REXO2: variants seen among roughly 807,000 people sequenced by gnomAD.
REXO2 encodes the protein oligoribonuclease, mitochondrial.
In REXO2, 17 loss-of-function variants were observed where a neutral mutation model predicts 30.9. The ratio of observed to expected loss-of-function variants is 0.55; its 90% CI spans 0.38 to 0.82. REXO2 has a LOEUF of 0.82. Among genes scored for constraint, REXO2 ranks in the 40% least tolerant of loss-of-function variants. The pLI, the probability that REXO2 is intolerant of heterozygous loss-of-function variation, is 0.00. For missense variants in REXO2, 253 were observed against 293.2 expected (o/e 0.86, Z 1.00); for synonymous variants, 105 against 99.6 (o/e 1.05, Z -0.32).
intron 2 of REXO2, chr11:114,441,912 T>G: frequency 3.4e-6 from 2 of 595,592 alleles, no homozygotes; most frequent in Non-Finnish European, 6.0e-6. Flanking sequence ...ATTTGGTTGT[T>G]TTTTTCTGTT....
chr11:114,443,242 G>T (rs1042630155), intron 2 of REXO2, among the ~76,000 whole-genome samples: 1 of 151,612 alleles, frequency 6.6e-6, no homozygotes, highest in Non-Finnish European at 1.5e-5. Context: ...GAGAAGCTAG[G>T]ACTGTAGGGG....
chr11:114,439,723 C>T (rs1002489310), intron 1 of REXO2, 48 bp downstream of exon 1: 16 of 1,439,414 alleles, frequency 1.1e-5, no homozygotes, highest in Admixed American at 5.7e-5. Context: ...AGGTTTCGCT[C>T]GTGGAACCGA....
At chr11:114,446,728 A>G (rs1946511779) in intron 5 of REXO2, among the ~76,000 whole-genome samples, 1 of 152,200 alleles carries the variant, frequency 6.6e-6, no homozygotes, top group African/African-American at 2.4e-5. Flanking sequence ...CAAAGCATTC[A>G]TTAATGCTGG....
intron 1 of REXO2, among the ~76,000 whole-genome samples, chr11:114,439,947 C>A (rs975229163): frequency 2.6e-5 from 4 of 152,266 alleles, no homozygotes; most frequent in African/African-American, 9.6e-5. Context: ...GTGGACTTTT[C>A]CTAACGCTCT....
In REXO2 at chr11:114,444,664, T is replaced by A; in HGVS notation, c.421+12T>A. The A allele has an allele frequency of 6.6e-7, 1 of 1,526,202 alleles. No individual in the cohort carries two copies. 94.5% of individuals were successfully genotyped at this position (1,526,202 alleles called of 1,614,324 possible). ...CTGTCCACTTGCAGGTAAAATCCAA[T>A]CCTGTGTATATCTTATAGTCTTCCA... On this transcript the variant is annotated intron_variant, in intron 4 of 6. Transcript: ENST00000265881.
rs1459202284 is a variant in REXO2 at position 114,439,534 on chromosome 11, A to G, written c.6A>G (p.Leu2=). The G allele has an allele frequency of 6.2e-7, 1 of 1,606,856 alleles. No homozygotes were observed. The highest frequency in any genetic ancestry group is 1.3e-5 in the African/African-American group (1 of 74,922). Residue 2 remains leucine, a synonymous_variant, in exon 1 of 7, where the codon CTA becomes CTG. Coordinates refer to ENST00000265881, the MANE Select transcript of REXO2 (RefSeq NM_015523.4). The stretch of plus-strand genomic sequence containing the variant: ...GTGGCTGCTGGTCCCGGGTGATGCT[A>G]GGCGGCTCCCTGGGCTCCAGGCTGT... The part of the protein sequence containing the change: M[L]GGSLGSRLLR...
At chr11:114,448,953 G>A (rs1438361727) in intron 6 of REXO2, 1 of 152,224 alleles carries the variant, frequency 6.6e-6, no homozygotes, top group Non-Finnish European at 1.5e-5. Flanking sequence ...TCCAAGTCCT[G>A]GAAAGAAAGC....
chr11:114,442,675 C>CA (rs1409566114), intron 2 of REXO2, among the ~76,000 whole-genome samples: 2 of 152,074 alleles, frequency 1.3e-5, no homozygotes, highest in Non-Finnish European at 2.9e-5. Context: ...TTCTTTTATC[C>CA]TGTTAACATT....
chr11:114,441,680 T>C (rs1181021952), intron 2 of REXO2: 14 of 700,672 alleles, frequency 2.0e-5, no homozygotes, highest in Non-Finnish European at 1.0e-5. Context: ...AGCATTGATA[T>C]GTTACTGGCA....
intron 2 of REXO2, chr11:114,441,641 A>G (rs1391236564): frequency 1.5e-6 from 1 of 673,044 alleles, no homozygotes; most frequent in Non-Finnish European, 2.7e-6. Context: ...TGGAAAAGAG[A>G]GTCTTGTTAA....
At chr11:114,447,780 T>C (rs1946518465) in intron 5 of REXO2, 46 bp from the exon 6 acceptor site, 1 of 1,506,412 alleles carries the variant, frequency 6.6e-7, no homozygotes, top group African/African-American at 1.4e-5. Flanking sequence ...TTGTTCAGTA[T>C]ATTTGAGACA....
chr11:114,444,596 A>G lies in REXO2; in HGVS notation c.365A>G (p.Tyr122Cys), dbSNP rs759902130. The change falls in exon 4 of 7, where the codon TAT (tyrosine) becomes TGT (cysteine). Residue 122 changes from tyrosine to cysteine, a missense_variant. Tyr to Cys is a radical substitution (Grantham distance 194, BLOSUM62 -2). Transcript: ENST00000265881. ...ACAATTACATTGCAGCAGGCAGAGTATGAATTTCTGTCCTTTGTACGACAG... is the reference window on the plus strand; with the variant it reads ...ACAATTACATTGCAGCAGGCAGAGTGTGAATTTCTGTCCTTTGTACGACAG... ...ESTITLQQAE[Y>C]EFLSFVRQQT... 1.2e-6 allele frequency: 2 copies of G among 1,612,170 alleles called. No individual in the cohort carries two copies. Among genetic ancestry groups the G allele is most frequent in the Non-Finnish European group, 1.7e-6 (2 of 1,179,404 alleles).
chr11:114,450,028 T>G lies in REXO2; in HGVS notation c.*53T>G, dbSNP rs1348271885. On this transcript the variant is annotated 3_prime_UTR_variant, in exon 7 of 7. Transcript: ENST00000265881. The stretch of plus-strand genomic sequence containing the variant: ...GTTATCTGGAGGCAACTTCTGGTGG[T>G]TTTTTTTTCTCACGCTGATGGCTTG... 33 of 1,513,534 alleles carry G rather than the reference T, an allele frequency of 2.2e-5. No individual in the cohort carries two copies. The highest frequency in any genetic ancestry group is 2.5e-5 in the Non-Finnish European group (28 of 1,130,520). The allele number at this position is 1,513,534 out of a possible 1,614,324, so 93.8% of individuals were successfully genotyped here. A position where few individuals can be genotyped will look rare whatever the true frequency, so the allele number is the denominator to read the frequency against.
chr11:114,447,765 G>A, intron 5 of REXO2, 61 bp from the exon 6 acceptor site: 11 of 1,376,050 alleles, frequency 8.0e-6, no homozygotes, highest in Non-Finnish European at 1.1e-5. Context: ...ACTTGAAGGA[G>A]GTAATTGTTC....
intron 2 of REXO2, chr11:114,441,994 G>A (rs1397558528): frequency 9.3e-6 from 5 of 540,292 alleles, no homozygotes; most frequent in Non-Finnish European, 1.6e-5. Flanking sequence ...ACCCTTGGCC[G>A]AAGAAGAGTG....
chr11:114,447,865 G>T lies in REXO2; in HGVS notation c.570G>T (p.Lys190Asn). 6.2e-7 allele frequency: 1 copy of T among 1,613,760 alleles called. No individual in the cohort carries two copies. The highest frequency in any genetic ancestry group is 8.5e-7 in the Non-Finnish European group (1 of 1,179,906). ...YPEEYEFAPKKAASHRALDDI... is the reference protein window; with the variant it reads ...YPEEYEFAPKNAASHRALDDI... ...AAGAATATGAATTTGCACCAAAGAA[G>T]GCTGCTTCTCATAGGTAAGTTTGAG... Residue 190 changes from lysine (K) to asparagine (N), a missense_variant, in exon 6 of 7, where the codon AAG (lysine) becomes AAT (asparagine). By Grantham distance (94) the Lys-to-Asn change is moderately conservative. Coordinates refer to ENST00000265881, the MANE Select transcript of REXO2 (RefSeq NM_015523.4).
intron 1 of REXO2, 46 bp downstream of exon 1, chr11:114,439,721 C>T: frequency 1.4e-6 from 2 of 1,445,052 alleles, no homozygotes; most frequent in Non-Finnish European, 1.8e-6. Flanking sequence ...TGAGGTTTCG[C>T]TCGTGGAACC....
In REXO2 at chr11:114,439,467, G is replaced by C; in HGVS notation, c.-62G>C. 1 of 1,582,914 alleles carries C rather than the reference G, an allele frequency of 6.3e-7. No individual in the cohort carries two copies. Among genetic ancestry groups the C allele is most frequent in the East Asian group, 2.3e-5 (1 of 44,406 alleles). The stretch of plus-strand genomic sequence containing the variant: ...TCCCCGTGGGTTTGCGACGTTTAGC[G>C]ACTATTGCGCCTGCGCCAGCGCCGG... On this transcript the variant is annotated 5_prime_UTR_variant, in exon 1 of 7. Coordinates refer to ENST00000265881, the MANE Select transcript of REXO2 (RefSeq NM_015523.4).
Position 114,439,523 on chromosome 11 carries a change from CGG to C in REXO2, c.-4_-3del. 1 of 1,605,080 alleles carries C rather than the reference CGG, an allele frequency of 6.2e-7. No individual in the cohort carries two copies. The highest frequency in any genetic ancestry group is 8.5e-7 in the Non-Finnish European group (1 of 1,179,188). On this transcript the variant is annotated 5_prime_UTR_variant, in exon 1 of 7. Transcript: ENST00000265881. ...AGACTGGGGCCGTGGCTGCTGGTCC[CGG>C]GTGATGCTAGGCGGCTCCCTGGGCT... is the stretch of plus-strand genomic sequence containing the variant.
Sources: allele counts gnomAD v4.1 joint callset (sites outside exome capture counted in the v4.1 genomes callset), GRCh38; gene constraint gnomAD v4.1.1; transcripts MANE v1.5; gene names NCBI Gene and HGNC (gene_info 2026-07-23, HGNC 2026-07-21).